ALPK1: variants seen among roughly 807,000 people sequenced by gnomAD.
ALPK1 encodes alpha-protein kinase 1.
In ALPK1, 110 loss-of-function variants were observed where a neutral mutation model predicts 120.6. That is an observed-to-expected ratio of 0.91 (90% CI 0.78 to 1.07). The LOEUF (loss-of-function observed/expected upper bound fraction) is 1.07, where lower values mean the gene tolerates loss of function less well. Among genes scored for constraint, ALPK1 ranks in the 50% least tolerant of loss-of-function variants. The pLI is 0.00. For synonymous variants in ALPK1, 582 were observed against 560.3 expected, an observed-to-expected ratio of 1.04 and a Z score of -0.55; for missense variants, 1,498 against 1,483.9, an observed-to-expected ratio of 1.01 and a Z score of -0.16.
intron 12 of ALPK1, 52 bp downstream of exon 12, chr4:112,435,353 C>T: frequency 6.4e-7 from 1 of 1,552,520 alleles, no homozygotes; most frequent in Non-Finnish European, 8.7e-7. Context: ...TAACCTTGCT[C>T]TTCTGTTAAG....
chr4:112,429,043 G>A (rs983922046), intron 9 of ALPK1, 106 bp from the exon 10 acceptor site: 20 of 951,804 alleles, frequency 2.1e-5, no homozygotes, highest in Non-Finnish European at 3.2e-5. Flanking sequence ...TTGCGGTGAG[G>A]AGTCCCTTGA....
At position 112,431,367 on chromosome 4, in the gene ALPK1, C is replaced by T; in HGVS notation, c.1820C>T (p.Ala607Val). Reference sequence around the variant, plus strand: ...AATTATCACGTTGACGACAGGTCAGCCAGAAAAGAGCCTGGCAAAGAACAT... The same window carrying T: ...AATTATCACGTTGACGACAGGTCAGTCAGAAAAGAGCCTGGCAAAGAACAT... Reference protein sequence around the residue: ...EVNYHVDDRSARKEPGKEHLV... With the variant: ...EVNYHVDDRSVRKEPGKEHLV... The change falls in exon 11 of 16, where the codon GCC (alanine) becomes GTC (valine). Residue 607 changes from alanine (A) to valine (V), a missense_variant. By Grantham distance (64) the Ala-to-Val change is moderately conservative (BLOSUM62 0). Transcript: ENST00000650871. 6.2e-7 allele frequency: 1 copy of T among 1,614,182 alleles called. No individual in the cohort carries two copies. Among genetic ancestry groups the T allele is most frequent in the Non-Finnish European group, 8.5e-7 (1 of 1,180,022 alleles).
At chr4:112,349,474 T>G (rs563672327) in intron 2 of ALPK1, among the ~76,000 whole-genome samples, 8 of 152,178 alleles carry the variant, frequency 5.3e-5, no homozygotes, top group Non-Finnish European at 7.4e-5. Flanking sequence ...GCAATTTTTT[T>G]TGTGTTTTAC....
chr4:112,434,739 A>T (rs953381358), intron 11 of ALPK1, among the ~76,000 whole-genome samples: 7 of 152,348 alleles, frequency 4.6e-5, no homozygotes, highest in Admixed American at 1.3e-4. Context: ...AGCTGCCATC[A>T]GTAGTAGCTT....
intron 4 of ALPK1, among the ~76,000 whole-genome samples, chr4:112,389,138 G>A (rs969935491): frequency 2.0e-5 from 3 of 149,792 alleles, no homozygotes; most frequent in Non-Finnish European, 3.0e-5. Flanking sequence ...TCCACCTCCC[G>A]GATTCAAGCG....
At position 112,431,915 on chromosome 4, in the gene ALPK1, G is replaced by T. The variant is rs1734577417; in HGVS notation, c.2368G>T (p.Glu790Ter). The part of the protein sequence containing the change: ...ASPSWVDPEG[E>*]TAESTEDAPL... The stretch of plus-strand genomic sequence containing the variant: ...TCCCTCCTGGGTTGACCCAGAAGGA[G>T]AAACAGCAGAAAGCACTGAAGATGC... Residue 790 changes from glutamate (E) to a stop codon, truncating the protein, a stop_gained, in exon 11 of 16, where the codon GAA (glutamate) becomes TAA (stop). Coordinates refer to ENST00000650871, the MANE Select transcript of ALPK1 (RefSeq NM_025144.4). LOFTEE classifies it high-confidence loss of function. The T allele has an allele frequency of 6.2e-7, 1 of 1,613,926 alleles. No individual in the cohort carries two copies. The highest frequency in any genetic ancestry group is 1.3e-5 in the African/African-American group (1 of 74,926).
At chr4:112,317,828 A>G (rs193102105) in intron 2 of ALPK1, among the ~76,000 whole-genome samples, 10 of 152,300 alleles carry the variant, frequency 6.6e-5, no homozygotes, top group Admixed American at 5.9e-4. Flanking sequence ...GCTTTGTCTT[A>G]CTTAAAATTA....
In ALPK1 at chr4:112,377,912, G is replaced by A. The variant is rs367652938; in HGVS notation, c.121+14G>A. ...AGCGCTGCAGAGGTGAGGTTCTGAT[G>A]GGAGGCACCAGGGGTGAACCAGCAG... On this transcript the variant is annotated intron_variant, in intron 3 of 15. Transcript: ENST00000650871. The A allele has an allele frequency of 1.1e-5, 17 of 1,598,950 alleles. No individual in the cohort carries two copies. Among genetic ancestry groups the A allele is most frequent in the Non-Finnish European group, 1.4e-5 (16 of 1,169,874 alleles).
chr4:112,432,580 TAGTA>T lies in ALPK1; in HGVS notation c.3034+4_3034+7del. ...AGCCCAGTCAACTCCACCGAGCACA[TAGTA>T]AGTACAATCTTTTCAATAGTTCCCC... On this transcript the variant is annotated splice_donor_variant and splice_donor_region_variant and coding_sequence_variant and intron_variant, in exon 11 of 16. Coordinates refer to ENST00000650871, the MANE Select transcript of ALPK1 (RefSeq NM_025144.4). LOFTEE classifies it high-confidence loss of function. 2 of 1,609,564 alleles carry T rather than the reference TAGTA, an allele frequency of 1.2e-6. No homozygotes were observed. The highest frequency in any genetic ancestry group is 1.1e-5 in the South Asian group (1 of 91,012).
chr4:112,371,590 A>G (rs75097128), intron 2 of ALPK1, among the ~76,000 whole-genome samples: 5,230 of 152,292 alleles, frequency 0.034, 127 homozygotes, highest in South Asian at 0.094. Context: ...GATCTGCCCT[A>G]GCTTTACTCA....
chr4:112,301,608 C>T (rs1727790760), intron 1 of ALPK1, among the ~76,000 whole-genome samples: 1 of 152,140 alleles, frequency 6.6e-6, no homozygotes, highest in East Asian at 1.9e-4. Flanking sequence ...TCACCTTATT[C>T]CCAAGCACAT....
intron 4 of ALPK1, among the ~76,000 whole-genome samples, chr4:112,411,287 G>T (rs1733443146): frequency 6.6e-6 from 1 of 152,156 alleles, no homozygotes; most frequent in South Asian, 2.1e-4. Flanking sequence ...TACAGTGGCT[G>T]GATCTCGGCT....
At chr4:112,406,718 G>T (rs1000189545) in intron 4 of ALPK1, among the ~76,000 whole-genome samples, 1 of 152,066 alleles carries the variant, frequency 6.6e-6, no homozygotes. Flanking sequence ...TTCCCTGCCT[G>T]TCTGTGTAGA....
chr4:112,435,712 G>A (rs1734760282), intron 12 of ALPK1, among the ~76,000 whole-genome samples: 1 of 152,224 alleles, frequency 6.6e-6, no homozygotes, highest in African/African-American at 2.4e-5. Context: ...CTGAGTCCAG[G>A]GATGAAGCCT....
intron 1 of ALPK1, among the ~76,000 whole-genome samples, chr4:112,308,755 G>A (rs1334945496): frequency 6.6e-6 from 1 of 152,112 alleles, no homozygotes; most frequent in Non-Finnish European, 1.5e-5. Flanking sequence ...ACTCGTCAAA[G>A]TCATTGTCCA....
At chr4:112,380,156 G>A (rs561988802) in intron 3 of ALPK1, among the ~76,000 whole-genome samples, 2 of 152,298 alleles carry the variant, frequency 1.3e-5, no homozygotes, top group South Asian at 4.1e-4. Flanking sequence ...GGACCACACA[G>A]GATGGTCCTA....
intron 4 of ALPK1, among the ~76,000 whole-genome samples, chr4:112,388,474 T>G (rs888993394): frequency 1.3e-5 from 2 of 152,220 alleles, no homozygotes; most frequent in Non-Finnish European, 2.9e-5. Context: ...AAAACTAATT[T>G]TAAAACATTT....
At position 112,440,963 on chromosome 4, in the gene ALPK1, C is replaced by T; in HGVS notation, c.3585C>T (p.Pro1195=). ...AAGGACTCATCTACCTCACAGATCC[C>T]CAGATTCACTCCGTTGATCAGAAAG... ...NGKGLIYLTD[P]QIHSVDQKVF... Residue 1195 remains proline (P), a synonymous_variant, in exon 15 of 16, where the codon CCC becomes CCT. Transcript: ENST00000650871. 6.2e-7 allele frequency: 1 copy of T among 1,613,812 alleles called. No individual in the cohort carries two copies. Among genetic ancestry groups the T allele is most frequent in the East Asian group, 2.2e-5 (1 of 44,874 alleles).
At chr4:112,359,314 G>A (rs1730801172) in intron 2 of ALPK1, 2 of 433,996 alleles carry the variant, frequency 4.6e-6, no homozygotes, top group African/African-American at 2.0e-5. Context: ...TCTACAGGCT[G>A]TAGCCAGCTC....
Sources: allele counts gnomAD v4.1 joint callset (sites outside exome capture counted in the v4.1 genomes callset), GRCh38; gene constraint gnomAD v4.1.1; transcripts MANE v1.5; gene names NCBI Gene and HGNC (gene_info 2026-07-23, HGNC 2026-07-21).